GRAMD1B: variants seen among roughly 807,000 people sequenced by gnomAD.
GRAMD1B encodes GRAM domain containing 1B, also known as protein Aster-B.
A neutral mutation model predicts 99.7 loss-of-function variants in GRAMD1B; 37 were observed. The ratio of observed to expected loss-of-function variants is 0.37; its 90% CI spans 0.29 to 0.49. The LOEUF is 0.49. GRAMD1B is among the 20% of genes least tolerant of loss of function. The probability of loss-of-function intolerance (pLI) is 0.98; values close to 1 mark genes in which losing one functional copy is unlikely to be tolerated. For synonymous variants in GRAMD1B, 427 were observed against 387.6 expected (o/e 1.10, Z -1.19); for missense variants, 888 against 1,009.2 (o/e 0.88, Z 1.63).
At chr11:123,444,815 C>G (rs952488599) in intron 1 of GRAMD1B, among the ~76,000 whole-genome samples, 1 of 152,146 alleles carries the variant, frequency 6.6e-6, no homozygotes, top group South Asian at 2.1e-4. Flanking sequence ...TTTCATAGAG[C>G]TTGATCTTCA....
At chr11:123,588,898 G>C (rs1436618083) in intron 4 of GRAMD1B, among the ~76,000 whole-genome samples, 1 of 151,856 alleles carries the variant, frequency 6.6e-6, no homozygotes, top group African/African-American at 2.4e-5. Flanking sequence ...TTTGGATTTT[G>C]GAATATTTGC....
At chr11:123,463,632 AAGG>A (rs1289513736) in intron 1 of GRAMD1B, among the ~76,000 whole-genome samples, 1 of 152,226 alleles carries the variant, frequency 6.6e-6, no homozygotes, top group African/African-American at 2.4e-5. Flanking sequence ...CTATGGCTCA[AAGG>A]AGACAGAGCT....
At chr11:123,550,001 G>C (rs1945453473) in intron 2 of GRAMD1B, among the ~76,000 whole-genome samples, 1 of 152,108 alleles carries the variant, frequency 6.6e-6, no homozygotes, top group Non-Finnish European at 1.5e-5. Flanking sequence ...ACAGGACCTG[G>C]CAGCCTCTCA....
At chr11:123,396,132 C>T (rs1947451413) in intron 1 of GRAMD1B, among the ~76,000 whole-genome samples, 1 of 151,284 alleles carries the variant, frequency 6.6e-6, no homozygotes. Context: ...CCACCAGACT[C>T]CTCCATGGAA....
intron 1 of GRAMD1B, 122 bp from the exon 2 acceptor site, chr11:123,480,694 G>T: frequency 2.5e-6 from 1 of 394,842 alleles, no homozygotes; most frequent in Non-Finnish European, 4.5e-6. Context: ...ACTTACTTGG[G>T]GGAACTTGTA....
chr11:123,441,992 G>C (rs1677038058), intron 1 of GRAMD1B, among the ~76,000 whole-genome samples: 2 of 152,174 alleles, frequency 1.3e-5, no homozygotes, highest in Admixed American at 6.5e-5. Context: ...GTTGAGGATA[G>C]AGAATTTGAA....
intron 1 of GRAMD1B, among the ~76,000 whole-genome samples, chr11:123,397,648 T>A (rs1310823283): frequency 6.6e-6 from 1 of 151,902 alleles, no homozygotes; most frequent in Non-Finnish European, 1.5e-5. Context: ...GACCCCAGAG[T>A]GTGCCGCCAC....
upstream of GRAMD1B, among the ~76,000 whole-genome samples, chr11:123,429,750 G>A (rs2134159591): frequency 6.6e-6 from 1 of 152,184 alleles, no homozygotes; most frequent in African/African-American, 2.4e-5. This position sits in a 1 kb window ranked among gnomAD's most constrained non-coding sequence, Gnocchi z 4.0. Context: ...CTCAGCTCAC[G>A]CCGCCACGGG....
chr11:123,428,263 G>A (rs905880313), upstream of GRAMD1B, among the ~76,000 whole-genome samples: 2 of 152,190 alleles, frequency 1.3e-5, no homozygotes, highest in Non-Finnish European at 2.9e-5. Context: ...CAAACTCTGT[G>A]GAACTTGGCT....
At chr11:123,462,081 C>T (rs1950449611) in intron 1 of GRAMD1B, among the ~76,000 whole-genome samples, 1 of 151,890 alleles carries the variant, frequency 6.6e-6, no homozygotes, top group African/African-American at 2.4e-5. Context: ...ATTCTCCTGC[C>T]TCAGCCTCCC....
intron 2 of GRAMD1B, among the ~76,000 whole-genome samples, chr11:123,485,837 C>T (rs952544457): frequency 1.3e-5 from 2 of 151,570 alleles, no homozygotes; most frequent in African/African-American, 4.9e-5. Context: ...GCCTCAGCCT[C>T]TCGAGTAGCT....
chr11:123,564,454 C>T (rs1298525615), intron 2 of GRAMD1B, among the ~76,000 whole-genome samples: 1 of 152,216 alleles, frequency 6.6e-6, no homozygotes, highest in Admixed American at 6.5e-5. Flanking sequence ...AGTTTGTCCC[C>T]AGATCAGACA....
At chr11:123,559,803 C>G in intron 2 of GRAMD1B, 1 of 460,520 alleles carries the variant, frequency 2.2e-6, no homozygotes, top group Non-Finnish European at 2.9e-6. Flanking sequence ...CCTCGGCCAT[C>G]TTTTCTTGCG....
Position 123,492,832 on chromosome 11 carries a change from C to CCT in GRAMD1B, c.452+11952_452+11953dup, listed in dbSNP as rs140417038. Among the ~76,000 whole-genome samples the CCT allele has an allele frequency of 2.1e-5, 3 of 145,506 alleles. No individual in the cohort carries two copies. The highest frequency in any genetic ancestry group is 2.1e-4 in the East Asian group (1 of 4,838). On this transcript the variant is annotated intron_variant, in intron 2 of 19. Coordinates refer to ENST00000635736, the MANE Select transcript of GRAMD1B (RefSeq NM_001387025.1). The surrounding 1 kb of genome is among the most constrained non-coding windows in gnomAD (Gnocchi z 4.2). ...AGGCAGTAGGTGGCTTAACCTCAAT[C>CCT]CTCTCTCTCTCTCTGTCTCTCTCTT...
At chr11:123,420,654 A>C (rs969749204) in intron 1 of GRAMD1B, among the ~76,000 whole-genome samples, 1 of 152,238 alleles carries the variant, frequency 6.6e-6, no homozygotes, top group Non-Finnish European at 1.5e-5. Flanking sequence ...AATCTCCCAA[A>C]TTGCAAATCA....
intron 1 of GRAMD1B, among the ~76,000 whole-genome samples, chr11:123,371,948 C>G (rs189904814): frequency 6.6e-6 from 1 of 152,234 alleles, no homozygotes; most frequent in East Asian, 1.9e-4. Flanking sequence ...GAACACAGGT[C>G]TCTAGGTATC....
At chr11:123,419,935 G>A (rs1339788443) in intron 1 of GRAMD1B, among the ~76,000 whole-genome samples, 1 of 152,044 alleles carries the variant, frequency 6.6e-6, no homozygotes, top group Non-Finnish European at 1.5e-5. Context: ...CTTGTTCCAA[G>A]GTCCAAGGTC....
chr11:123,505,475 A>G (rs1940329814), intron 2 of GRAMD1B, among the ~76,000 whole-genome samples: 1 of 151,886 alleles, frequency 6.6e-6, no homozygotes, highest in African/African-American at 2.4e-5. Flanking sequence ...GACAGGTGGT[A>G]AACCACTGAA....
At chr11:123,479,437 T>C (rs1951471353) in intron 1 of GRAMD1B, among the ~76,000 whole-genome samples, 1 of 152,172 alleles carries the variant, frequency 6.6e-6, no homozygotes, top group Non-Finnish European at 1.5e-5. Flanking sequence ...GAATATACTC[T>C]ATAGAGACCA....
Sources: gnomAD v4.1 joint callset for allele counts (sites outside exome capture counted in the v4.1 genomes callset) on GRCh38, gnomAD v4.1.1 for gene constraint, Gnocchi (gnomAD v3.1) non-coding constraint, MANE v1.5 for transcripts, NCBI Gene and HGNC (gene_info 2026-07-23, HGNC 2026-07-21) for gene names.